FAXC: variants seen among roughly 807,000 people sequenced by gnomAD.
FAXC encodes failed axon connections homolog.
Under a neutral mutation model 41.9 loss-of-function variants are expected in FAXC, and 10 were observed. The observed-to-expected ratio is 0.24, with a 90% confidence interval of 0.15 to 0.41. The LOEUF is 0.41. Among genes scored for constraint, FAXC ranks in the 10% least tolerant of loss-of-function variants. The pLI is 1.00. For synonymous variants in FAXC, 183 were observed against 183.8 expected, an observed-to-expected ratio of 1.00 and a Z score of 0.03; for missense variants, 399 against 510.9, an observed-to-expected ratio of 0.78 and a Z score of 2.11.
intron 4 of FAXC, among the ~76,000 whole-genome samples, chr6:99,311,055 T>G (rs1355892288): frequency 1.3e-5 from 2 of 152,210 alleles, no homozygotes; most frequent in Non-Finnish European, 2.9e-5. Flanking sequence ...TTAAAAGAAG[T>G]GGAAGATTCA....
chr6:99,325,627 T>C (rs1351749303), intron 3 of FAXC, among the ~76,000 whole-genome samples: 2 of 152,260 alleles, frequency 1.3e-5, no homozygotes, highest in Non-Finnish European at 2.9e-5. Context: ...AATGCTTTCC[T>C]ACTTGCTCCT....
chr6:99,323,224 G>A (rs148517024), intron 4 of FAXC, among the ~76,000 whole-genome samples: 30 of 152,242 alleles, frequency 2.0e-4, no homozygotes, highest in East Asian at 3.9e-4. Flanking sequence ...CTCTTCACAC[G>A]GGCTCACCAT....
chr6:99,286,065 G>A (rs1229896166), intron 5 of FAXC, among the ~76,000 whole-genome samples: 1 of 152,112 alleles, frequency 6.6e-6, no homozygotes, highest in African/African-American at 2.4e-5. Context: ...GGAAAACATA[G>A]GCCAACATCC....
In FAXC at chr6:99,275,761, C is replaced by T. The variant is rs752505536; in HGVS notation, c.*5403G>A. On this transcript the variant is annotated 3_prime_UTR_variant, in exon 6 of 6. Coordinates refer to ENST00000389677, the MANE Select transcript of FAXC (RefSeq NM_032511.4). ...ATATCCTTAAGATATTCTTGAAAGT[C>T]AGGGACCAAAAATCTGAGTTTCTGG... 1 of 152,118 alleles carries T rather than the reference C, an allele frequency of 6.6e-6. No homozygotes were observed. Among genetic ancestry groups the T allele is most frequent in the Non-Finnish European group, 1.5e-5 (1 of 68,024 alleles). 9.4% of individuals were successfully genotyped at this position (152,118 alleles called of 1,614,324 possible).
chr6:99,302,288 T>A lies in FAXC; in HGVS notation c.824-10468A>T, dbSNP rs1004106661. On this transcript the variant is annotated intron_variant, in intron 4 of 5. Transcript: ENST00000389677. ...GGCAAGAGGAAGAAAGAAAGATGCC[T>A]AAGATAGAAGCCACATTCATTTTGT... Among the ~76,000 whole-genome samples the A allele has an allele frequency of 3.3e-5, 5 of 152,208 alleles. No homozygotes were observed. The East Asian group carries it at 9.6e-4, about 29-fold the overall frequency.
At position 99,302,379 on chromosome 6, in the gene FAXC, C is replaced by T. The variant is rs115358793; in HGVS notation, c.824-10559G>A. Among the ~76,000 whole-genome samples, 216 of 152,264 alleles carry T rather than the reference C, an allele frequency of 1.4e-3. 2 individuals are homozygous for T. The highest frequency in any genetic ancestry group is 4.5e-3 in the African/African-American group (186 of 41,546). ...TCTTGTTAAAAGCAAATCACGGCCA[C>T]GCGCAGTGGCTCACACCTGTAATCC... On this transcript the variant is annotated intron_variant, in intron 4 of 5. Coordinates refer to ENST00000389677, the MANE Select transcript of FAXC (RefSeq NM_032511.4).
intron 4 of FAXC, among the ~76,000 whole-genome samples, chr6:99,303,868 T>C (rs927627128): frequency 2.0e-5 from 3 of 152,226 alleles, no homozygotes; most frequent in African/African-American, 7.2e-5. Context: ...ATAATAATTT[T>C]GATCAGAAAA....
intron 3 of FAXC, 90 bp downstream of exon 3, chr6:99,333,261 A>G: frequency 1.8e-6 from 2 of 1,131,824 alleles, no homozygotes; most frequent in South Asian, 1.6e-5. Flanking sequence ...AAGGTAGAAA[A>G]CTGCTGAAAC....
rs1770526734 is a variant in FAXC, at chr6:99,274,420, G to C, written c.*6744C>G. ...CCACAGCCATACCACATGGTTGCTT[G>C]AAATTTTGACATTTGTTACTGTTTT... On this transcript the variant is annotated 3_prime_UTR_variant, in exon 6 of 6. Transcript: ENST00000389677. 6.6e-6 allele frequency: 1 copy of C among 151,916 alleles called. No individual in the cohort carries two copies. The highest frequency in any genetic ancestry group is 1.5e-5 in the Non-Finnish European group (1 of 68,014). 9.4% of individuals were successfully genotyped at this position (151,916 alleles called of 1,614,324 possible).
At chr6:99,298,618 G>A (rs1562158800) in intron 4 of FAXC, among the ~76,000 whole-genome samples, 1 of 152,070 alleles carries the variant, frequency 6.6e-6, no homozygotes, top group Non-Finnish European at 1.5e-5. Flanking sequence ...CACCTTGAGG[G>A]CAAGTAAACT....
intron 2 of FAXC, among the ~76,000 whole-genome samples, chr6:99,336,066 C>T (rs1030072100): frequency 1.1e-4 from 16 of 151,780 alleles, no homozygotes; most frequent in African/African-American, 3.4e-4. Context: ...TAAATGTGGT[C>T]GTATAATTTT....
Position 99,342,439 on chromosome 6 carries a change from G to A in FAXC, c.402+459C>T, listed in dbSNP as rs541590023. 7.3e-5 allele frequency among the ~76,000 whole-genome samples: 11 copies of A among 151,166 alleles called. No individual in the cohort carries two copies. The South Asian group carries it at 8.4e-4, about 11-fold the overall frequency. Reference sequence around the variant, plus strand: ...GGCTCACTGTAACCTCTGCTTCCCCGGTTCAAGTGATTCTCCTGCCTCAGC... The same window carrying A: ...GGCTCACTGTAACCTCTGCTTCCCCAGTTCAAGTGATTCTCCTGCCTCAGC... On this transcript the variant is annotated intron_variant, in intron 2 of 5. Transcript: ENST00000389677.
intron 1 of FAXC, among the ~76,000 whole-genome samples, chr6:99,348,568 G>A (rs1191372227): frequency 6.6e-6 from 1 of 152,206 alleles, no homozygotes; most frequent in African/African-American, 2.4e-5. Flanking sequence ...GATAAGCAGA[G>A]AACCAGGTTA....
At chr6:99,305,244 ACATCAG>A (rs1771874751) in intron 4 of FAXC, among the ~76,000 whole-genome samples, 2 of 152,214 alleles carry the variant, frequency 1.3e-5, no homozygotes, top group South Asian at 2.1e-4. Context: ...GGAGGTTGGG[ACATCAG>A]CTAAGAAACT....
At position 99,271,336 on chromosome 6, in the gene FAXC, T is replaced by G. The variant is rs1423594010; in HGVS notation, c.*9828A>C. 1 of 152,220 alleles carries G rather than the reference T, an allele frequency of 6.6e-6. No individual in the cohort carries two copies. The highest frequency in any genetic ancestry group is 1.5e-5 in the Non-Finnish European group (1 of 68,052). 9.4% of individuals were successfully genotyped at this position (152,220 alleles called of 1,614,324 possible). On this transcript the variant is annotated 3_prime_UTR_variant, in exon 6 of 6. Coordinates refer to ENST00000389677, the MANE Select transcript of FAXC (RefSeq NM_032511.4). The stretch of plus-strand genomic sequence containing the variant: ...AGTTCTAGAAGGGTGTGGAACCAAC[T>G]GACGTTGAAGTAGATGTAGATCTAT...
chr6:99,301,713 A>C (rs1771712599), intron 4 of FAXC, among the ~76,000 whole-genome samples: 1 of 152,218 alleles, frequency 6.6e-6, no homozygotes, highest in South Asian at 2.1e-4. Flanking sequence ...CTGAAAGATA[A>C]GATTCTACTT....
In FAXC at chr6:99,293,665, A is replaced by AGTGTGTGTGT. The variant is rs55827992; in HGVS notation, c.824-1855_824-1846dup. Among the ~76,000 whole-genome samples the AGTGTGTGTGT allele has an allele frequency of 8.4e-3, 1,039 of 123,156 alleles. 21 individuals are homozygous for AGTGTGTGTGT. Among genetic ancestry groups the AGTGTGTGTGT allele is most frequent in the African/African-American group, 0.014 (448 of 32,380 alleles). 80.8% of individuals were successfully genotyped at this position (123,156 alleles called of 152,430 possible). On this transcript the variant is annotated intron_variant, in intron 4 of 5. Coordinates refer to ENST00000389677, the MANE Select transcript of FAXC (RefSeq NM_032511.4). Reference sequence around the variant, plus strand: ...ATTTTTCCCATAATGCTCTATACACAGTGTGTGTGTGTGTGTGTGTGTGTG... The same window carrying AGTGTGTGTGT: ...ATTTTTCCCATAATGCTCTATACACAGTGTGTGTGTGTGTGTGTGTGTGTGTGTGTGTGTG...
intron 4 of FAXC, among the ~76,000 whole-genome samples, chr6:99,294,838 T>C (rs1771418543): frequency 6.6e-6 from 1 of 150,736 alleles, no homozygotes; most frequent in South Asian, 2.1e-4. Flanking sequence ...AAAAAAATCA[T>C]TTGAACCCAC....
chr6:99,316,428 ATT>A (rs1772357923), intron 4 of FAXC, among the ~76,000 whole-genome samples: 2 of 152,076 alleles, frequency 1.3e-5, no homozygotes. Flanking sequence ...TTGTCTTTGG[ATT>A]CTGAGCTCAC....
Sources: allele counts gnomAD v4.1 joint callset (sites outside exome capture counted in the v4.1 genomes callset), GRCh38; gene constraint gnomAD v4.1.1; transcripts MANE v1.5; gene names NCBI Gene and HGNC (gene_info 2026-07-23, HGNC 2026-07-21).